Variants in NCALD observed in about 807,000 individuals in gnomAD.
The protein encoded by NCALD is neurocalcin delta.
A neutral mutation model predicts 18.6 loss-of-function variants in NCALD; 10 were observed. The ratio of observed to expected loss-of-function variants is 0.54; its 90% CI spans 0.33 to 0.91. NCALD has a LOEUF of 0.91. Ranked by LOEUF, NCALD falls within the 40% of genes least tolerant of loss-of-function variation. The pLI is 0.03. For synonymous variants in NCALD, 88 were observed against 87.4 expected (o/e 1.01, Z -0.04); for missense variants, 184 against 247.6 (o/e 0.74, Z 1.72).
intron 2 of NCALD, among the ~76,000 whole-genome samples, chr8:102,012,541 C>T (rs534152348): frequency 8.5e-5 from 13 of 152,372 alleles, no homozygotes; most frequent in African/African-American, 3.1e-4. Context: ...CTGCCTCAAA[C>T]ACTCCTCTAG....
At chr8:102,104,226 C>T (rs1825377436) in intron 1 of NCALD, among the ~76,000 whole-genome samples, 1 of 152,140 alleles carries the variant, frequency 6.6e-6, no homozygotes, top group African/African-American at 2.4e-5. Context: ...GATATATAAA[C>T]TGGGGATTTT....
intron 4 of NCALD, among the ~76,000 whole-genome samples, chr8:101,858,445 ACTCTT>A (rs1229115280): frequency 1.3e-5 from 2 of 152,044 alleles, no homozygotes; most frequent in African/African-American, 4.8e-5. Context: ...GTTCCAACAC[ACTCTT>A]CTCTACCCCA....
rs561358385 is a variant in NCALD at position 101,942,979 on chromosome 8, T to C, written c.-156-27121A>G. Reference sequence around the variant, plus strand: ...TGGCTGACTGCAGAGCCTCCTTCCCTAAGCACCACCTCATGAGAAGGGGCA... The same window carrying C: ...TGGCTGACTGCAGAGCCTCCTTCCCCAAGCACCACCTCATGAGAAGGGGCA... On this transcript the variant is annotated intron_variant, in intron 2 of 6. Transcript: ENST00000311028. Among the ~76,000 whole-genome samples the C allele has an allele frequency of 1.6e-4, 24 of 152,278 alleles. 1 individual carries two copies. In the South Asian group the frequency reaches 3.9e-3, roughly 25 times the overall value.
intron 2 of NCALD, among the ~76,000 whole-genome samples, chr8:101,998,686 GT>G (rs1821328127): frequency 6.6e-6 from 1 of 152,150 alleles, no homozygotes. Context: ...CCTGCTGCTA[GT>G]TTTTGGGAGC....
intron 4 of NCALD, among the ~76,000 whole-genome samples, chr8:101,876,663 G>A (rs1182617722): frequency 1.3e-5 from 2 of 152,128 alleles, no homozygotes; most frequent in Admixed American, 1.3e-4. Context: ...TAATACCATG[G>A]CAATGGATAC....
chr8:101,948,709 T>C (rs1277481815), intron 2 of NCALD, among the ~76,000 whole-genome samples: 1 of 152,110 alleles, frequency 6.6e-6, no homozygotes, highest in African/African-American at 2.4e-5. Context: ...TTGAAAAGAA[T>C]AGGAAATGTG....
At chr8:101,958,508 C>T (rs1179301967) in intron 2 of NCALD, among the ~76,000 whole-genome samples, 2 of 152,106 alleles carry the variant, frequency 1.3e-5, no homozygotes, top group Admixed American at 6.6e-5. Context: ...GGCTACATTA[C>T]ATAGATGTTT....
chr8:101,727,334 A>G (rs1816616946), intron 1 of NCALD, among the ~76,000 whole-genome samples: 2 of 152,232 alleles, frequency 1.3e-5, no homozygotes, highest in Non-Finnish European at 2.9e-5. Flanking sequence ...ACAAACTATT[A>G]TCTCCTACCT....
chr8:101,937,351 C>T (rs568524658), intron 2 of NCALD, among the ~76,000 whole-genome samples: 1 of 152,118 alleles, frequency 6.6e-6, no homozygotes, highest in Admixed American at 6.6e-5. Flanking sequence ...CACCCTCCAC[C>T]CTCAAGTAGA....
At position 101,803,624 on chromosome 8, in the gene NCALD, T is replaced by C. The variant is rs113870595; in HGVS notation, c.-20+83517A>G. ...TAAGAGTAATTATTCTAGATAACATTAAGAAGATTCATGATTCATGGGAGG... is the reference window on the plus strand; with the variant it reads ...TAAGAGTAATTATTCTAGATAACATCAAGAAGATTCATGATTCATGGGAGG... On this transcript the variant is annotated intron_variant, in intron 4 of 6. Coordinates refer to the NCALD transcript ENST00000311028. Among the ~76,000 whole-genome samples, 872 of 152,258 alleles carry C rather than the reference T, an allele frequency of 5.7e-3. 12 individuals carry two copies. Among genetic ancestry groups the C allele is most frequent in the African/African-American group, 0.018 (766 of 41,556 alleles).
chr8:101,992,241 C>G (rs1821075835), intron 2 of NCALD, among the ~76,000 whole-genome samples: 1 of 152,174 alleles, frequency 6.6e-6, no homozygotes, highest in Admixed American at 6.5e-5. Context: ...CCCCAGCCCC[C>G]ATTTCCTCTT....
chr8:101,852,538 C>T (rs1392063538), intron 4 of NCALD: 2 of 152,220 alleles, frequency 1.3e-5, no homozygotes, highest in African/African-American at 4.8e-5. Context: ...CAGTCTCCAT[C>T]TTTGGGGCAG....
chr8:101,799,142 T>C (rs982923140), intron 4 of NCALD, among the ~76,000 whole-genome samples: 2 of 151,668 alleles, frequency 1.3e-5, no homozygotes, highest in African/African-American at 2.4e-5. Context: ...ACAAAAGACA[T>C]GAAGAGACAT....
Position 102,083,617 on chromosome 8 carries a change from C to T in NCALD, c.-210+40620G>A, listed in dbSNP as rs548475135. On this transcript the variant is annotated intron_variant, in intron 1 of 6. Transcript: ENST00000311028. ...AAAAGAGCAGCCAATTTTGCTCCAT[C>T]CCTATCCCCTCCCAGTCTCATTCCC... Among the ~76,000 whole-genome samples the T allele has an allele frequency of 2.0e-5, 3 of 152,350 alleles. No individual in the cohort carries two copies. The South Asian group carries it at 6.2e-4, about 32-fold the overall frequency.
chr8:102,021,619 G>T (rs755795417), intron 1 of NCALD, among the ~76,000 whole-genome samples: 1 of 152,184 alleles, frequency 6.6e-6, no homozygotes, highest in Non-Finnish European at 1.5e-5. Context: ...CTCTAGCCAC[G>T]CCCTGGCACC....
intron 4 of NCALD, among the ~76,000 whole-genome samples, chr8:101,815,164 A>T (rs1813445497): frequency 6.6e-6 from 1 of 152,148 alleles, no homozygotes; most frequent in South Asian, 2.1e-4. Flanking sequence ...TAGCCAGCCA[A>T]CATTGAAGGA....
intron 1 of NCALD, among the ~76,000 whole-genome samples, chr8:102,022,184 G>C (rs1395288500): frequency 6.6e-6 from 1 of 152,104 alleles, no homozygotes; most frequent in Non-Finnish European, 1.5e-5. Context: ...GATCCATGGA[G>C]ACCAGCCTCC....
chr8:101,765,610 C>G (rs942139017), intron 1 of NCALD, among the ~76,000 whole-genome samples: 3 of 152,092 alleles, frequency 2.0e-5, no homozygotes, highest in Non-Finnish European at 4.4e-5. Flanking sequence ...TATGGGGACT[C>G]CTGGGCTGAA....
chr8:102,002,278 G>C (rs555394471), intron 2 of NCALD, among the ~76,000 whole-genome samples: 1 of 152,284 alleles, frequency 6.6e-6, no homozygotes, highest in East Asian at 1.9e-4. Flanking sequence ...AAGAGACAAA[G>C]AAGGCCATTA....
Sources: gnomAD v4.1 joint callset for allele counts (sites outside exome capture counted in the v4.1 genomes callset) on GRCh38, gnomAD v4.1.1 for gene constraint, MANE v1.5 for transcripts, NCBI Gene and HGNC (gene_info 2026-07-23, HGNC 2026-07-21) for gene names.